The following ITPR2 variants were observed in gnomAD, a reference collection of about 807,000 sequenced individuals.
The protein encoded by ITPR2 is inositol 1,4,5-trisphosphate receptor type 2.
In ITPR2, 207 loss-of-function variants were observed where a neutral mutation model predicts 317.1. The observed-to-expected ratio is 0.65, with a 90% confidence interval of 0.58 to 0.73. The LOEUF is 0.73. ITPR2 is among the 30% of genes least tolerant of loss of function. The probability of loss-of-function intolerance (pLI) is 0.00; values close to 1 mark genes in which losing one functional copy is unlikely to be tolerated. For missense variants in ITPR2, 2,613 were observed against 3,284.0 expected (o/e 0.80, Z 4.99); for synonymous variants, 1,156 against 1,149.1 (o/e 1.01, Z -0.12).
chr12:26,370,564 C>A (rs1939154650), intron 55 of ITPR2, among the ~76,000 whole-genome samples: 1 of 152,172 alleles, frequency 6.6e-6, no homozygotes, highest in Non-Finnish European at 1.5e-5. Context: ...TTATTTTCCC[C>A]CATGCGGAAT....
intron 32 of ITPR2, among the ~76,000 whole-genome samples, chr12:26,590,175 A>C (rs920711690): frequency 2.0e-5 from 3 of 152,136 alleles, no homozygotes; most frequent in African/African-American, 7.2e-5. Flanking sequence ...TCTAGCTAGG[A>C]GAGTCACCCA....
Position 26,428,008 on chromosome 12 carries a change from G to T in ITPR2, c.6850C>A (p.Pro2284Thr). 6.2e-7 allele frequency: 1 copy of T among 1,612,656 alleles called. No homozygotes were observed. Among genetic ancestry groups the T allele is most frequent in the South Asian group, 1.1e-5 (1 of 90,902 alleles). The change falls in exon 49 of 57, where the codon CCT becomes ACT. Residue 2284 changes from proline (P) to threonine (T), a missense_variant. By Grantham distance (38) the Pro-to-Thr change is conservative. Around this residue, in one of 9 missense-constraint regions of ITPR2, gnomAD observed 926 missense variants for 1,072.8 expected, o/e 0.86. Coordinates refer to ENST00000381340, the MANE Select transcript of ITPR2 (RefSeq NM_002223.4). ...ACAAGAAACGGCCGAATACCCACAG[G>T]CTTGGAGAAGAAAAACAGCATAGAT... ...CTSMLFFFSK[P>T]VGIRPFLVSI...
chr12:26,739,231 T>G (rs1201819371), intron 2 of ITPR2, among the ~76,000 whole-genome samples: 1 of 152,220 alleles, frequency 6.6e-6, no homozygotes, highest in African/African-American at 2.4e-5. Flanking sequence ...TTCCCTACTT[T>G]GGAGAACATT....
intron 29 of ITPR2, 37 bp downstream of exon 29, chr12:26,599,950 C>G: frequency 6.6e-7 from 1 of 1,517,668 alleles, no homozygotes; most frequent in Non-Finnish European, 9.1e-7. Context: ...TTGATGCACA[C>G]TTTACTAGAA....
At position 26,622,225 on chromosome 12, in the gene ITPR2, G is replaced by A. The variant is rs1298130100; in HGVS notation, c.3288+15C>T. The A allele has an allele frequency of 3.1e-6, 5 of 1,599,110 alleles. No individual in the cohort carries two copies. The highest frequency in any genetic ancestry group is 4.3e-6 in the Non-Finnish European group (5 of 1,174,366). On this transcript the variant is annotated intron_variant, in intron 25 of 56. Transcript: ENST00000381340. ...AGCTTTTGCTGTGGATGCATTGAGG[G>A]CTCTTCAATCTTACCTGCTTAAATG...
At chr12:26,511,447 T>A (rs557101667) in intron 37 of ITPR2, among the ~76,000 whole-genome samples, 1 of 152,226 alleles carries the variant, frequency 6.6e-6, no homozygotes, top group Non-Finnish European at 1.5e-5. Flanking sequence ...GTTGGTATGA[T>A]TTTCTCACTA....
intron 45 of ITPR2, among the ~76,000 whole-genome samples, chr12:26,445,469 A>G (rs535502447): frequency 2.1e-4 from 32 of 152,278 alleles, no homozygotes; most frequent in African/African-American, 5.5e-4. Context: ...GGTTAGGAAG[A>G]GAAAAGACAT....
intron 42 of ITPR2, among the ~76,000 whole-genome samples, chr12:26,482,949 G>A (rs969126318): frequency 6.6e-6 from 1 of 152,066 alleles, no homozygotes; most frequent in Non-Finnish European, 1.5e-5. Flanking sequence ...CTGTCTTCTG[G>A]ACTGATCCAT....
At chr12:26,641,878 A>G (rs991662845) in intron 21 of ITPR2, among the ~76,000 whole-genome samples, 2 of 152,236 alleles carry the variant, frequency 1.3e-5, no homozygotes, top group African/African-American at 4.8e-5. Flanking sequence ...GTTGACAACT[A>G]AAAGAAAGTC....
intron 2 of ITPR2, 66 bp from the exon 3 acceptor site, chr12:26,725,831 T>C (rs191238451): frequency 2.2e-5 from 24 of 1,080,842 alleles, no homozygotes; most frequent in Non-Finnish European, 3.2e-5. Context: ...ATTTCCCTTA[T>C]AGCTCAGCTT....
At chr12:26,353,859 C>T (rs545745365) in intron 55 of ITPR2, among the ~76,000 whole-genome samples, 1 of 152,254 alleles carries the variant, frequency 6.6e-6, no homozygotes, top group East Asian at 1.9e-4. Flanking sequence ...CACACACACA[C>T]ACCTCTATAT....
intron 28 of ITPR2, among the ~76,000 whole-genome samples, chr12:26,601,078 T>C (rs892105546): frequency 6.6e-6 from 1 of 152,182 alleles, no homozygotes; most frequent in Non-Finnish European, 1.5e-5. Context: ...ACAAGAAACT[T>C]AAGTCTCAAA....
chr12:26,795,974 ACT>A (rs938007691), intron 1 of ITPR2, among the ~76,000 whole-genome samples: 3 of 129,690 alleles, frequency 2.3e-5, no homozygotes, highest in African/African-American at 8.5e-5. Context: ...ACAGAGCGAG[ACT>A]CTGTTTCCAA....
At chr12:26,614,123 T>C (rs1181567291) in intron 26 of ITPR2, among the ~76,000 whole-genome samples, 1 of 152,018 alleles carries the variant, frequency 6.6e-6, no homozygotes, top group African/African-American at 2.4e-5. Flanking sequence ...ATCTTAGATA[T>C]AAACCTATTT....
Position 26,391,565 on chromosome 12 carries a change from T to C in ITPR2, c.7697-3971A>G, listed in dbSNP as rs1245702886. The stretch of plus-strand genomic sequence containing the variant: ...TCTTCTTCTTCTTTTCCTTTTTTTT[T>C]TTTTTTTTTTTTTTTTTTTGACAGA... On this transcript the variant is annotated intron_variant, in intron 54 of 56. Coordinates refer to ENST00000381340, the MANE Select transcript of ITPR2 (RefSeq NM_002223.4). 9.8e-4 allele frequency among the ~76,000 whole-genome samples: 126 copies of C among 128,302 alleles called. 3 individuals carry two copies. Among genetic ancestry groups the C allele is most frequent in the South Asian group, 3.6e-3 (13 of 3,620 alleles). The allele number at this position is 128,302 out of a possible 152,430, so 84.2% of individuals were successfully genotyped here. A position where few individuals can be genotyped will look rare whatever the true frequency, so the allele number is the denominator to read the frequency against.
chr12:26,779,565 C>A lies in ITPR2; in HGVS notation c.163+10592G>T, dbSNP rs116924321. Among the ~76,000 whole-genome samples the A allele has an allele frequency of 1.1e-3, 172 of 152,320 alleles. 2 individuals are homozygous for A. The East Asian group carries it at 0.028, about 25-fold the overall frequency. On this transcript the variant is annotated intron_variant, in intron 2 of 56. Coordinates refer to ENST00000381340, the MANE Select transcript of ITPR2 (RefSeq NM_002223.4). ...CTCTCTCCCAGCCTGCATCGATGGC[C>A]TCATGAGGAGTTCCCTATGATCAGC...
intron 26 of ITPR2, among the ~76,000 whole-genome samples, chr12:26,613,655 G>C (rs1260176069): frequency 6.6e-6 from 1 of 152,106 alleles, no homozygotes; most frequent in Non-Finnish European, 1.5e-5. Flanking sequence ...CCCTGGCATA[G>C]AGTCAGGAAT....
chr12:26,698,575 A>G (rs139439391), intron 9 of ITPR2, among the ~76,000 whole-genome samples: 4 of 152,330 alleles, frequency 2.6e-5, no homozygotes, highest in Non-Finnish European at 4.4e-5. Context: ...ATGGATGGAA[A>G]GCATTACCCA....
chr12:26,767,314 C>T (rs1949738671), intron 2 of ITPR2, among the ~76,000 whole-genome samples: 1 of 152,206 alleles, frequency 6.6e-6, no homozygotes, highest in South Asian at 2.1e-4. Flanking sequence ...CCTCTGCTCC[C>T]TCCAGAGGTT....
Sources: allele counts gnomAD v4.1 joint callset (sites outside exome capture counted in the v4.1 genomes callset), GRCh38; gene constraint gnomAD v4.1.1; regional missense constraint gnomAD v4.1.1; transcripts MANE v1.5; gene names NCBI Gene and HGNC (gene_info 2026-07-23, HGNC 2026-07-21).